The following HTR7 variants were observed in gnomAD, a reference collection of about 807,000 sequenced individuals.
HTR7 encodes 5-hydroxytryptamine receptor 7.
In HTR7, 16 loss-of-function variants were observed where a neutral mutation model predicts 34.0. The observed-to-expected ratio is 0.47, with a 90% CI of 0.32 to 0.71. The LOEUF (loss-of-function observed/expected upper bound fraction) is 0.71. Among genes scored for constraint, HTR7 ranks in the 30% least tolerant of loss-of-function variants. The pLI is 0.04. For synonymous variants in HTR7, 265 were observed against 260.2 expected (o/e 1.02, Z -0.18); for missense variants, 504 against 625.5 (o/e 0.81, Z 2.07).
intron 1 of HTR7, among the ~76,000 whole-genome samples, chr10:90,834,915 A>G (rs747686979): frequency 1.1e-4 from 17 of 152,196 alleles, no homozygotes; most frequent in Admixed American, 1.0e-3. Context: ...GGCAGTTTTT[A>G]CAGTCTATCA....
rs780292799 is a variant in HTR7, at chr10:90,742,480, T to C, written c.*2A>G. The C allele has an allele frequency of 6.2e-7, 1 of 1,601,550 alleles. No homozygotes were observed. Among genetic ancestry groups the C allele is most frequent in the Admixed American group, 1.7e-5 (1 of 59,748 alleles). ...GTTTATTTCATCTCCATTGTTCTGC[T>C]TTCAATCATGAATCATGACCTTTTT... On this transcript the variant is annotated 3_prime_UTR_variant, in exon 4 of 4. Transcript: ENST00000336152.
At chr10:90,816,588 T>C (rs1564692094) in intron 1 of HTR7, among the ~76,000 whole-genome samples, 1 of 152,256 alleles carries the variant, frequency 6.6e-6, no homozygotes, top group Non-Finnish European at 1.5e-5. Flanking sequence ...CATTCTGACA[T>C]ATAAATTCTC....
Position 90,749,207 on chromosome 10 carries a change from G to C in HTR7, c.927C>G (p.Leu309=). ...VEECANLSRL[L]KHERKNISIF... is the part of the protein sequence containing the mutation. Reference sequence around the variant, plus strand: ...TGGAGATGTTTTTCCTTTCATGCTTGAGGAGTCTCGAAAGGTTTGCACACT... The same window carrying C: ...TGGAGATGTTTTTCCTTTCATGCTTCAGGAGTCTCGAAAGGTTTGCACACT... The change falls in exon 2 of 4, where the codon CTC becomes CTG. Residue 309 remains leucine, a synonymous_variant. Coordinates refer to ENST00000336152, the MANE Select transcript of HTR7 (RefSeq NM_019859.4). The surrounding 1 kb of genome is among the most constrained non-coding windows in gnomAD (Gnocchi z 4.2). 1 of 1,614,084 alleles carries C rather than the reference G, an allele frequency of 6.2e-7. No individual in the cohort carries two copies. Among genetic ancestry groups the C allele is most frequent in the Non-Finnish European group, 8.5e-7 (1 of 1,180,010 alleles).
intron 1 of HTR7, among the ~76,000 whole-genome samples, chr10:90,831,591 C>T (rs972892743): frequency 6.6e-6 from 1 of 152,186 alleles, no homozygotes; most frequent in Admixed American, 6.5e-5. Context: ...ACTGCTGGCT[C>T]GCGCAGCCTG....
chr10:90,812,907 T>C (rs1160818023), intron 1 of HTR7, among the ~76,000 whole-genome samples: 5 of 152,150 alleles, frequency 3.3e-5, no homozygotes, highest in Non-Finnish European at 7.3e-5. Flanking sequence ...ACAAAAGAAG[T>C]GAATATGCCC....
At chr10:90,780,980 T>A (rs2119845000) in intron 1 of HTR7, among the ~76,000 whole-genome samples, 1 of 152,306 alleles carries the variant, frequency 6.6e-6, no homozygotes. Context: ...CTATGACAGA[T>A]ATGGCTTGAA....
intron 1 of HTR7, among the ~76,000 whole-genome samples, chr10:90,833,337 T>C (rs561351900): frequency 3.3e-5 from 5 of 152,326 alleles, no homozygotes; most frequent in African/African-American, 1.2e-4. Flanking sequence ...GACCATATTT[T>C]ACATTCCCTT....
chr10:90,778,119 G>A (rs1330360372), intron 1 of HTR7, among the ~76,000 whole-genome samples: 1 of 152,234 alleles, frequency 6.6e-6, no homozygotes, highest in African/African-American at 2.4e-5. Flanking sequence ...GCATAGCAGA[G>A]TAGACCACTG....
intron 1 of HTR7, among the ~76,000 whole-genome samples, chr10:90,837,567 T>C (rs1453793196): frequency 1.3e-5 from 2 of 152,222 alleles, no homozygotes; most frequent in African/African-American, 4.8e-5. Context: ...TCACCAGATG[T>C]TGGCACTAAG....
At chr10:90,817,458 T>C (rs920007306) in intron 1 of HTR7, among the ~76,000 whole-genome samples, 3 of 152,234 alleles carry the variant, frequency 2.0e-5, no homozygotes. Context: ...CCCTGAGACA[T>C]ATGTTTCCTC....
chr10:90,775,659 T>G (rs1336605998), intron 1 of HTR7, among the ~76,000 whole-genome samples: 2 of 152,174 alleles, frequency 1.3e-5, no homozygotes, highest in African/African-American at 2.4e-5. Flanking sequence ...CCTGACATAT[T>G]TTTTAGTGCT....
chr10:90,807,725 C>T (rs528504254), intron 1 of HTR7, among the ~76,000 whole-genome samples: 82 of 152,308 alleles, frequency 5.4e-4, no homozygotes, highest in African/African-American at 1.8e-3. Flanking sequence ...TCTCTTCACA[C>T]GGACGCGCAT....
At chr10:90,785,932 G>A (rs1201136143) in intron 1 of HTR7, among the ~76,000 whole-genome samples, 1 of 152,116 alleles carries the variant, frequency 6.6e-6, no homozygotes, top group African/African-American at 2.4e-5. Flanking sequence ...AACCCGACCT[G>A]GGAATGTATC....
Position 90,838,330 on chromosome 10 carries a change from C to A in HTR7, c.539+18803G>T, listed in dbSNP as rs898630168. Among the ~76,000 whole-genome samples, 5 of 152,326 alleles carry A rather than the reference C, an allele frequency of 3.3e-5. No homozygotes were observed. In the South Asian group the frequency reaches 1.0e-3, roughly 32 times the overall value. ...TGCCTGTCTCCCTCAGCGCCTACAT[C>A]CAGTCCATCAGCAAGGCCTGCCGAT... On this transcript the variant is annotated intron_variant, in intron 1 of 3. Coordinates refer to ENST00000336152, the MANE Select transcript of HTR7 (RefSeq NM_019859.4).
chr10:90,750,066 C>T (rs534833866), intron 1 of HTR7, among the ~76,000 whole-genome samples: 1 of 152,304 alleles, frequency 6.6e-6, no homozygotes, highest in African/African-American at 2.4e-5. Context: ...TTCATTTTAG[C>T]TTTCCCTTTG....
chr10:90,816,103 A>G (rs1008244017), intron 1 of HTR7, among the ~76,000 whole-genome samples: 1 of 152,204 alleles, frequency 6.6e-6, no homozygotes, highest in Admixed American at 6.5e-5. Context: ...GCAAAGAGCT[A>G]CTTTCTCCCT....
intron 1 of HTR7, among the ~76,000 whole-genome samples, chr10:90,812,411 A>G (rs893948970): frequency 3.3e-5 from 5 of 152,206 alleles, no homozygotes; most frequent in Admixed American, 2.6e-4. Context: ...AAGTAAATAA[A>G]TAATCTTTGC....
At chr10:90,798,091 T>C (rs180982325) in intron 1 of HTR7, among the ~76,000 whole-genome samples, 1 of 152,290 alleles carries the variant, frequency 6.6e-6, no homozygotes, top group East Asian at 1.9e-4. Context: ...ACCATCAAAA[T>C]GGCAAATAAA....
At chr10:90,851,604 C>CAAAAA (rs34310653) in intron 1 of HTR7, among the ~76,000 whole-genome samples, 9 of 69,108 alleles carry the variant, frequency 1.3e-4, no homozygotes, top group African/African-American at 3.0e-4. Context: ...GACTCCGTCC[C>CAAAAA]AAAAAAAAAA....
Sources: allele counts gnomAD v4.1 joint callset (sites outside exome capture counted in the v4.1 genomes callset), GRCh38; gene constraint gnomAD v4.1.1; non-coding constraint Gnocchi (gnomAD v3.1); transcripts MANE v1.5; gene names NCBI Gene and HGNC (gene_info 2026-07-23, HGNC 2026-07-21).